Variants in DIDO1 observed in about 807,000 individuals in gnomAD.
DIDO1 encodes death inducer-obliterator 1.
In DIDO1, 16 loss-of-function variants were observed where a neutral mutation model predicts 99.4. The observed-to-expected ratio is 0.16, with a 90% CI of 0.11 to 0.24. The LOEUF (loss-of-function observed/expected upper bound fraction) is 0.24. DIDO1 is among the 10% of genes least tolerant of loss of function. The pLI is 1.00. For synonymous variants in DIDO1, 1,366 were observed against 1,239.1 expected (o/e 1.10, Z -2.15); for missense variants, 2,996 against 3,014.0 (o/e 0.99, Z 0.14).
At chr20:62,910,701 C>T in intron 3 of DIDO1, 73 bp downstream of exon 3, 2 of 1,520,524 alleles carry the variant, frequency 1.3e-6, no homozygotes, top group Non-Finnish European at 1.8e-6. Flanking sequence ...CTTTGTAACC[C>T]TTTAAAATGA....
Position 62,881,411 on chromosome 20 carries a change from C to T in DIDO1, c.4545G>A (p.Ser1515=), listed in dbSNP as rs745739327. 1 of 1,607,624 alleles carries T rather than the reference C, an allele frequency of 6.2e-7. No individual in the cohort carries two copies. Among genetic ancestry groups the T allele is most frequent in the South Asian group, 1.1e-5 (1 of 91,076 alleles). Residue 1515 remains serine (S), a synonymous_variant, in exon 16 of 16, where the codon TCG becomes TCA. Transcript: ENST00000395343. The surrounding 1 kb of genome is among the most constrained non-coding windows in gnomAD (Gnocchi z 8.3). ...GTGGAGACATCAAGGCGTCCGACAC[C>T]GAGAAGTGGGCCATGGAGACCCCGA... ...AAVGVSMAHF[S]VSDALMSPPP... is the part of the protein sequence containing the mutation.
chr20:62,922,825 G>A (rs2065181049), intron 1 of DIDO1, among the ~76,000 whole-genome samples: 1 of 152,214 alleles, frequency 6.6e-6, no homozygotes, highest in African/African-American at 2.4e-5. Context: ...AGGGAAGAGA[G>A]CGGGTGACAT....
intron 15 of DIDO1, chr20:62,889,020 G>A (rs1330818983): frequency 1.0e-6 from 1 of 985,362 alleles, no homozygotes; most frequent in Non-Finnish European, 1.2e-6. Flanking sequence ...AAGTCCCTGG[G>A]GCTTTTGTGT....
rs1246802078 is a variant in DIDO1 at position 62,911,647 on chromosome 20, C to T, written c.-2-33G>A. The T allele has an allele frequency of 6.6e-7, 1 of 1,504,396 alleles. No individual in the cohort carries two copies. The highest frequency in any genetic ancestry group is 8.9e-7 in the Non-Finnish European group (1 of 1,124,556). 93.2% of individuals were successfully genotyped at this position (1,504,396 alleles called of 1,614,324 possible). A position where few individuals can be genotyped will look rare whatever the true frequency, so the allele number is the denominator to read the frequency against. ...TAAAGTGTAAGCACATAGTGACCAA[C>T]TGACCACAGAACAAAAGGTGACATT... On this transcript the variant is annotated intron_variant, in intron 2 of 15. Coordinates refer to ENST00000395343, the MANE Select transcript of DIDO1 (RefSeq NM_001193369.2). This position sits in a 1 kb window ranked among gnomAD's most constrained non-coding sequence, Gnocchi z 7.0.
At chr20:62,905,822 C>T in intron 6 of DIDO1, 65 bp downstream of exon 6, 1 of 1,613,906 alleles carries the variant, frequency 6.2e-7, no homozygotes. Flanking sequence ...CTGGACAGGC[C>T]CAGGGGATGG....
intron 1 of DIDO1, among the ~76,000 whole-genome samples, chr20:62,915,821 A>G (rs1487509160): frequency 1.3e-5 from 2 of 152,202 alleles, no homozygotes; most frequent in Admixed American, 6.5e-5. Flanking sequence ...AAGCAAAGAA[A>G]TTAAGAAGTT....
At chr20:62,929,524 G>A (rs1026214986), upstream of DIDO1, among the ~76,000 whole-genome samples, 4 of 151,706 alleles carry the variant, frequency 2.6e-5, no homozygotes, top group African/African-American at 4.8e-5. Context: ...AGATCGGCCC[G>A]GTCGTGAGTC....
intron 1 of DIDO1, among the ~76,000 whole-genome samples, chr20:62,935,294 A>G (rs2147616312): frequency 6.6e-6 from 1 of 152,292 alleles, no homozygotes; most frequent in Admixed American, 6.5e-5. Flanking sequence ...TAAGATCCTC[A>G]TAATCATTCA....
Position 62,896,242 on chromosome 20 carries a change from A to G in DIDO1, c.2205T>C (p.Pro735=), listed in dbSNP as rs1314150072. The part of the protein sequence containing the change: ...YRSIMFNLKD[P]KNQGLFHRVL... ...GACACCAGGCACACACCTGATTTTT[A>G]GGGTCCTTCAGGTTGAACATGATGC... The change falls in exon 8 of 16, where the codon CCT becomes CCC. Residue 735 remains proline, a synonymous_variant. Coordinates refer to ENST00000395343, the MANE Select transcript of DIDO1 (RefSeq NM_001193369.2). This position sits in a 1 kb window ranked among gnomAD's most constrained non-coding sequence, Gnocchi z 4.4. 1 of 1,612,726 alleles carries G rather than the reference A, an allele frequency of 6.2e-7. No individual in the cohort carries two copies. The highest frequency in any genetic ancestry group is 2.2e-5 in the East Asian group (1 of 44,880).
At chr20:62,929,761 T>TG (rs1475503244), upstream of DIDO1, among the ~76,000 whole-genome samples, 3 of 89,766 alleles carry the variant, frequency 3.3e-5, no homozygotes, top group African/African-American at 1.3e-4. Context: ...CTGTTTTGTT[T>TG]TTTTTTTTTG....
At chr20:62,910,636 GTTTCT>G (rs2064911772) in intron 3 of DIDO1, 133 bp downstream of exon 3, 1 of 1,084,684 alleles carries the variant, frequency 9.2e-7, no homozygotes, top group African/African-American at 1.6e-5. Context: ...ACTCTTATGT[GTTTCT>G]TTTTTGACAA....
chr20:62,892,040 C>G lies in DIDO1; in HGVS notation c.3292G>C (p.Ala1098Pro). 6.2e-7 allele frequency: 1 copy of G among 1,613,252 alleles called. No individual in the cohort carries two copies. The highest frequency in any genetic ancestry group is 2.2e-5 in the East Asian group (1 of 44,874). The change falls in exon 14 of 16, where the codon GCA (alanine) becomes CCA (proline). Residue 1098 changes from alanine to proline, a missense_variant. By Grantham distance (27) the Ala-to-Pro change is conservative. Coordinates refer to ENST00000395343, the MANE Select transcript of DIDO1 (RefSeq NM_001193369.2). ...PDTIHIGGRIAPKTVWDYVGK... is the reference protein window; with the variant it reads ...PDTIHIGGRIPPKTVWDYVGK... ...ACATAATCCCAAACTGTCTTCGGTGCGATCCTCCCACCAATGTGAATTGTG... is the reference window on the plus strand; with the variant it reads ...ACATAATCCCAAACTGTCTTCGGTGGGATCCTCCCACCAATGTGAATTGTG...
upstream of DIDO1, among the ~76,000 whole-genome samples, chr20:62,929,692 A>AAAAAAAAAAAAAATATAT: frequency 3.1e-5 from 2 of 63,710 alleles, no homozygotes; most frequent in African/African-American, 1.5e-4. Flanking sequence ...AAAAAGAAAA[A>AAAAAAAAAAAAAATATAT]GTGTATATAT....
In DIDO1 at chr20:62,896,523, C is replaced by G. The variant is rs1485308293; in HGVS notation, c.2054+8G>C. The G allele has an allele frequency of 6.3e-7, 1 of 1,584,320 alleles. No homozygotes were observed. Among genetic ancestry groups the G allele is most frequent in the Non-Finnish European group, 8.6e-7 (1 of 1,166,992 alleles). On this transcript the variant is annotated splice_region_variant and intron_variant, in intron 7 of 15. Coordinates refer to ENST00000395343, the MANE Select transcript of DIDO1 (RefSeq NM_001193369.2). This position sits in a 1 kb window ranked among gnomAD's most constrained non-coding sequence, Gnocchi z 4.4. ...TTAATGGGTAAGAAATCAAGCAGAA[C>G]AGCCCACCTTTTCCACAAAATCTCT...
Position 62,878,974 on chromosome 20 carries a change from C to T in DIDO1, c.*259G>A, listed in dbSNP as rs1568816976. The T allele has an allele frequency of 1.5e-5, 6 of 393,422 alleles. No individual in the cohort carries two copies. The East Asian group carries it at 2.0e-4, about 13-fold the overall frequency. The allele number at this position is 393,422 out of a possible 1,614,324, so 24.4% of individuals were successfully genotyped here. On this transcript the variant is annotated 3_prime_UTR_variant, in exon 16 of 16. Coordinates refer to ENST00000395343, the MANE Select transcript of DIDO1 (RefSeq NM_001193369.2). ...AGTTATTGGAAAAGATAACTATGAT[C>T]TGAAAAGCAATATGCTCCGTAGGCA...
intron 5 of DIDO1, among the ~76,000 whole-genome samples, chr20:62,906,596 G>C (rs1303702557): frequency 1.3e-5 from 2 of 152,230 alleles, no homozygotes; most frequent in Non-Finnish European, 2.9e-5. Flanking sequence ...AACAGTGCTA[G>C]TTGCGCTTTG....
At chr20:62,937,755 C>T (rs913738999) in intron 1 of DIDO1, 6 of 398,170 alleles carry the variant, frequency 1.5e-5, no homozygotes, top group African/African-American at 1.0e-4. Flanking sequence ...CCCGCCCCAC[C>T]CCGTGCGGCC....
In DIDO1 at chr20:62,881,058, C is replaced by CCGT. The variant is rs2064194268; in HGVS notation, c.4895_4897dup (p.Asp1632dup). 1.2e-6 allele frequency: 2 copies of CCGT among 1,606,638 alleles called. No homozygotes were observed. Among genetic ancestry groups the CCGT allele is most frequent in the Non-Finnish European group, 1.7e-6 (2 of 1,178,744 alleles). Reference sequence around the variant, plus strand: ...GCCCTCCCCAGGCTCTGCCTTCCAGCCGTCCTGCTCGGACCCCGCTGGGGG... The same window carrying CCGT: ...GCCCTCCCCAGGCTCTGCCTTCCAGCCGTCGTCCTGCTCGGACCCCGCTGGGGG... On this transcript the variant is annotated inframe_insertion, in exon 16 of 16. Transcript: ENST00000395343. The surrounding 1 kb of genome is among the most constrained non-coding windows in gnomAD (Gnocchi z 8.3).
chr20:62,928,942 T>C (rs2065295030), upstream of DIDO1: 1 of 151,516 alleles, frequency 6.6e-6, no homozygotes, highest in African/African-American at 2.4e-5. Flanking sequence ...TCTTTGAAAG[T>C]ACAATCCGGA....
Sources: allele counts gnomAD v4.1 joint callset (sites outside exome capture counted in the v4.1 genomes callset), GRCh38; gene constraint gnomAD v4.1.1; non-coding constraint Gnocchi (gnomAD v3.1); transcripts MANE v1.5; gene names NCBI Gene and HGNC (gene_info 2026-07-23, HGNC 2026-07-21).